Variants in FKBP15 observed in about 807,000 individuals in gnomAD.
The protein encoded by FKBP15 is FKBP prolyl isomerase family member 15, also known as FK506-binding protein 15.
In FKBP15, 106 loss-of-function variants were observed where a neutral mutation model predicts 158.1. The ratio of observed to expected loss-of-function variants is 0.67; its 90% CI spans 0.57 to 0.79. The LOEUF is 0.79. FKBP15 is among the 30% of genes least tolerant of loss of function. The pLI is 0.00. For missense variants in FKBP15, 1,287 were observed against 1,479.1 expected (o/e 0.87, Z 2.13); for synonymous variants, 547 against 548.6 (o/e 1.00, Z 0.04).
chr9:113,193,316 A>T (rs1830608986), intron 11 of FKBP15, among the ~76,000 whole-genome samples, 176 bp downstream of exon 11: 1 of 152,068 alleles, frequency 6.6e-6, no homozygotes, highest in Non-Finnish European at 1.5e-5. Context: ...ACCTCAGCAC[A>T]CTAGGAGTGA....
intron 19 of FKBP15, among the ~76,000 whole-genome samples, chr9:113,179,788 AT>A (rs370355424): frequency 2.0e-4 from 31 of 151,458 alleles, no homozygotes; most frequent in Non-Finnish European, 2.4e-4. Context: ...ACTTTAAAAA[AT>A]AAATAAATAA....
At chr9:113,214,777 TG>T (rs1831084816) in intron 1 of FKBP15, among the ~76,000 whole-genome samples, 1 of 152,280 alleles carries the variant, frequency 6.6e-6, no homozygotes, top group African/African-American at 2.4e-5. Flanking sequence ...GAAAATCCGT[TG>T]TTTGGTGTAG....
rs1358123288 is a variant in FKBP15, at chr9:113,199,942, T to C, written c.520A>G (p.Ser174Gly). ...NKQVCIAKCN[S>G]TSSLDAVLSQ... Reference sequence around the variant, plus strand: ...AGCACTGCATCCAGGGAAGAGGTACTGTTGCACTTAGCAATGCACACCTGC... The same window carrying C: ...AGCACTGCATCCAGGGAAGAGGTACCGTTGCACTTAGCAATGCACACCTGC... Residue 174 changes from serine (S) to glycine (G), a missense_variant, in exon 7 of 28, where the codon AGT (serine) becomes GGT (glycine). Physicochemically the swap from Ser to Gly is moderately conservative, Grantham distance 56. Coordinates refer to ENST00000238256, the MANE Select transcript of FKBP15 (RefSeq NM_015258.2). The C allele has an allele frequency of 6.2e-7, 1 of 1,613,140 alleles. No individual in the cohort carries two copies. The highest frequency in any genetic ancestry group is 8.5e-7 in the Non-Finnish European group (1 of 1,179,528).
At chr9:113,211,120 GCT>G (rs1289909447) in intron 2 of FKBP15, among the ~76,000 whole-genome samples, 1 of 152,106 alleles carries the variant, frequency 6.6e-6, no homozygotes, top group African/African-American at 2.4e-5. Context: ...TATTCTATTA[GCT>G]CTGTCCCTCT....
intron 27 of FKBP15, 24 bp from the exon 28 acceptor site, chr9:113,166,179 C>A: frequency 1.3e-6 from 2 of 1,596,506 alleles, no homozygotes; most frequent in South Asian, 2.3e-5. Context: ...AAAGAGCAGT[C>A]AGTCCTCACT....
chr9:113,166,293 G>T, intron 27 of FKBP15, 138 bp from the exon 28 acceptor site: 1 of 671,648 alleles, frequency 1.5e-6, no homozygotes, highest in Non-Finnish European at 2.5e-6. Context: ...CCAACTCTGA[G>T]GCCAGCAAAC....
chr9:113,193,312 G>A lies in FKBP15; in HGVS notation c.1065+180C>T, dbSNP rs369010985. On this transcript the variant is annotated intron_variant, in intron 11 of 27. Coordinates refer to ENST00000238256, the MANE Select transcript of FKBP15 (RefSeq NM_015258.2). ...CATATCCTAAGCACATAAAACCTCA[G>A]CACACTAGGAGTGAGGGAGAAAAAC... is the stretch of plus-strand genomic sequence containing the variant. Among the ~76,000 whole-genome samples, 4 of 151,868 alleles carry A rather than the reference G, an allele frequency of 2.6e-5. No individual in the cohort carries two copies. In the East Asian group the frequency reaches 7.7e-4, roughly 29 times the overall value.
intron 19 of FKBP15, among the ~76,000 whole-genome samples, chr9:113,182,391 G>A (rs10981673): frequency 0.28 from 42,128 of 152,084 alleles, 6,312 homozygotes; most frequent in East Asian, 0.63. Context: ...ACTTTAAAAT[G>A]CTTTGGCAGA....
At chr9:113,199,745 T>C (rs1830750552) in intron 7 of FKBP15, 69 bp downstream of exon 7, 1 of 1,476,916 alleles carries the variant, frequency 6.8e-7, no homozygotes, top group Non-Finnish European at 9.1e-7. Flanking sequence ...ACAGTAATAG[T>C]ATCTTCCCTG....
rs763398410 is a variant in FKBP15 at position 113,178,617 on chromosome 9, AC to A, written c.2086+12del. The A allele has an allele frequency of 5.0e-6, 8 of 1,601,630 alleles. No individual in the cohort carries two copies. In the South Asian group the frequency reaches 9.0e-5, roughly 18 times the overall value. ...AATGGCAACAATCCCAGCATCCCCC[AC>A]CTAGCACATACCTGAGAGCTTTGCC... On this transcript the variant is annotated intron_variant, in intron 20 of 27. Coordinates refer to ENST00000238256, the MANE Select transcript of FKBP15 (RefSeq NM_015258.2).
At chr9:113,192,999 G>A (rs1301467525) in intron 11 of FKBP15, among the ~76,000 whole-genome samples, 3 of 152,166 alleles carry the variant, frequency 2.0e-5, no homozygotes, top group African/African-American at 7.2e-5. Flanking sequence ...ACTTATTAAA[G>A]ACAAACTGAA....
At chr9:113,176,101 T>C (rs967067457) in intron 21 of FKBP15, among the ~76,000 whole-genome samples, 6 of 152,068 alleles carry the variant, frequency 3.9e-5, no homozygotes, top group African/African-American at 1.4e-4. Context: ...AATGAAAAAA[T>C]AAAAACATAA....
chr9:113,176,743 G>A (rs1830306095), intron 20 of FKBP15, 70 bp from the exon 21 acceptor site: 2 of 1,495,528 alleles, frequency 1.3e-6, no homozygotes, highest in East Asian at 4.7e-5. Context: ...TATCCCAGCA[G>A]CTCTTTTTTT....
At chr9:113,180,280 G>C (rs1830371439) in intron 19 of FKBP15, among the ~76,000 whole-genome samples, 1 of 151,842 alleles carries the variant, frequency 6.6e-6, no homozygotes, top group Non-Finnish European at 1.5e-5. Flanking sequence ...GAAAATAAGG[G>C]AATGGATAAG....
At chr9:113,176,514 G>A (rs1291189510) in intron 21 of FKBP15, 23 bp downstream of exon 21, 1 of 1,547,932 alleles carries the variant, frequency 6.5e-7, no homozygotes, top group Non-Finnish European at 8.7e-7. Context: ...GCTAATTCTG[G>A]CCAACTGGGT....
intron 13 of FKBP15, among the ~76,000 whole-genome samples, 179 bp from the exon 14 acceptor site, chr9:113,188,078 T>G (rs979071128): frequency 2.0e-5 from 3 of 152,196 alleles, no homozygotes; most frequent in Non-Finnish European, 4.4e-5. Context: ...GGTGCTCTCA[T>G]GTGCTTCTGA....
At position 113,206,711 on chromosome 9, in the gene FKBP15, A is replaced by AT. The variant is rs1564184355; in HGVS notation, c.255-134_255-133insA. Reference sequence around the variant, plus strand: ...GCAGGGACACAGGTGAGCGGTTTAAAATTTTTTTTTTTTTTTTTTTTTTTG... The same window carrying AT: ...GCAGGGACACAGGTGAGCGGTTTAAATATTTTTTTTTTTTTTTTTTTTTTTG... On this transcript the variant is annotated intron_variant, in intron 3 of 27. Transcript: ENST00000238256. 1,481 of 589,406 alleles carry AT rather than the reference A, an allele frequency of 2.5e-3. 22 individuals are homozygous for AT. In the African/African-American group the frequency reaches 0.028, roughly 11 times the overall value. 36.5% of individuals were successfully genotyped at this position (589,406 alleles called of 1,614,324 possible). A position where few individuals can be genotyped will look rare whatever the true frequency, so the allele number is the denominator to read the frequency against.
At chr9:113,210,122 T>C (rs1306788897) in intron 2 of FKBP15, among the ~76,000 whole-genome samples, 1 of 152,150 alleles carries the variant, frequency 6.6e-6, no homozygotes, top group African/African-American at 2.4e-5. Flanking sequence ...GCAGAAGGCC[T>C]TGCTTTCGAA....
In FKBP15 at chr9:113,166,117, T is replaced by C; in HGVS notation, c.3621A>G (p.Gly1207=). ...CAATGTCATCGTCATCATCATCATC[T>C]CCAAAAAGGGGCGTTGGGGGCGGGC... ...KGRPPPTPLF[G]DDDDDDDIDW... Residue 1207 remains glycine, a synonymous_variant, in exon 28 of 28, where the codon GGA becomes GGG. Coordinates refer to ENST00000238256, the MANE Select transcript of FKBP15 (RefSeq NM_015258.2). The C allele has an allele frequency of 6.2e-7, 1 of 1,613,552 alleles. No individual in the cohort carries two copies. The highest frequency in any genetic ancestry group is 8.5e-7 in the Non-Finnish European group (1 of 1,179,730).
Sources: gnomAD v4.1 joint callset for allele counts (sites outside exome capture counted in the v4.1 genomes callset) on GRCh38, gnomAD v4.1.1 for gene constraint, MANE v1.5 for transcripts, NCBI Gene and HGNC (gene_info 2026-07-23, HGNC 2026-07-21) for gene names.